The following INSR variants were observed in gnomAD, a reference collection of about 807,000 sequenced individuals.
INSR encodes insulin receptor, also known as IR.
INSR carries 67 observed loss-of-function variants against 142.6 expected under a neutral mutation model. That is an observed-to-expected ratio of 0.47 (90% CI 0.39 to 0.58). The LOEUF (loss-of-function observed/expected upper bound fraction) is 0.58, where lower values mean the gene tolerates loss of function less well. INSR is among the 20% of genes least tolerant of loss of function. INSR has a pLI of 0.00. For missense variants in INSR, 1,248 were observed against 1,833.2 expected (o/e 0.68, Z 5.83); for synonymous variants, 756 against 743.1 (o/e 1.02, Z -0.28).
chr19:7,238,846 G>A (rs1248374122), intron 2 of INSR, among the ~76,000 whole-genome samples: 3 of 149,838 alleles, frequency 2.0e-5, no homozygotes, highest in Admixed American at 6.8e-5. Context: ...TCCACTATGT[G>A]TCCCCAAAAC....
rs985816806 is a variant in INSR at position 7,265,604 on chromosome 19, G to A, written c.652+1741C>T. Among the ~76,000 whole-genome samples the A allele has an allele frequency of 2.0e-5, 3 of 151,932 alleles. No individual in the cohort carries two copies. In the East Asian group the frequency reaches 5.8e-4, roughly 29 times the overall value. ...ACAAAAATTAGCTGGGCTTGGTGGT[G>A]GGTGCCTGTAATCCCAGCTACTTGG... On this transcript the variant is annotated intron_variant, in intron 2 of 21. Transcript: ENST00000302850.
Position 7,267,900 on chromosome 19 carries a change from C to T in INSR, c.101-4G>A. 2 of 1,612,522 alleles carry T rather than the reference C, an allele frequency of 1.2e-6. No individual in the cohort carries two copies. Among genetic ancestry groups the T allele is most frequent in the Non-Finnish European group, 1.7e-6 (2 of 1,179,282 alleles). ...CGGATATCCATGCCGGGACACACTA[C>T]AAGAGAAAATGAACAGAAAGCAAGA... On this transcript the variant is annotated splice_polypyrimidine_tract_variant and splice_region_variant and intron_variant, in intron 1 of 21. Coordinates refer to ENST00000302850, the MANE Select transcript of INSR (RefSeq NM_000208.4). The surrounding 1 kb of genome is among the most constrained non-coding windows in gnomAD (Gnocchi z 6.3).
At chr19:7,172,561 T>C (rs940801264) in intron 4 of INSR, 127 bp from the exon 5 acceptor site, 1 of 1,005,882 alleles carries the variant, frequency 9.9e-7, no homozygotes, top group African/African-American at 1.6e-5. Context: ...AAACTCATCA[T>C]GCTTAGAACA....
intron 3 of INSR, among the ~76,000 whole-genome samples, 176 bp downstream of exon 3, chr19:7,184,140 C>T (rs1485934344): frequency 6.6e-6 from 1 of 151,042 alleles, no homozygotes; most frequent in Non-Finnish European, 1.5e-5. Flanking sequence ...GTAGTCAACT[C>T]CCACTCCCAA....
chr19:7,256,184 T>C (rs1356988805), intron 2 of INSR, among the ~76,000 whole-genome samples: 1 of 152,154 alleles, frequency 6.6e-6, no homozygotes, highest in Non-Finnish European at 1.5e-5. Flanking sequence ...ACGCCTGTAA[T>C]CCCAGCGCTT....
At chr19:7,172,251 G>C (rs745644203) in intron 5 of INSR, 39 bp downstream of exon 5, 1 of 1,611,386 alleles carries the variant, frequency 6.2e-7, no homozygotes, top group Admixed American at 1.7e-5. Flanking sequence ...GAACTTCCTA[G>C]TTAGCACTCA....
At chr19:7,288,938 G>A (rs942832176) in intron 1 of INSR, among the ~76,000 whole-genome samples, 11 of 142,200 alleles carry the variant, frequency 7.7e-5, no homozygotes, top group African/African-American at 1.1e-4. Flanking sequence ...ACACCAGCCC[G>A]GGTGAAGAAG....
intron 3 of INSR, among the ~76,000 whole-genome samples, chr19:7,183,363 G>A (rs1223416866): frequency 1.3e-5 from 2 of 151,394 alleles, no homozygotes; most frequent in Non-Finnish European, 2.9e-5. Flanking sequence ...ACTCAGTTAC[G>A]GCCCCAAAAT....
At chr19:7,195,931 C>CTTTTTTTTT (rs903162924) in intron 2 of INSR, among the ~76,000 whole-genome samples, 18 of 54,772 alleles carry the variant, frequency 3.3e-4, no homozygotes, top group Middle Eastern at 9.8e-3. Flanking sequence ...TCTTTTCTTT[C>CTTTTTTTTT]TTTTTTTTTT....
At chr19:7,158,079 T>C (rs906425828) in intron 9 of INSR, among the ~76,000 whole-genome samples, 1 of 147,380 alleles carries the variant, frequency 6.8e-6, no homozygotes, top group African/African-American at 2.6e-5. Flanking sequence ...TTATTATTAT[T>C]ATTATTATTA....
At chr19:7,293,316 C>T (rs1968547227) in intron 1 of INSR, among the ~76,000 whole-genome samples, 1 of 152,222 alleles carries the variant, frequency 6.6e-6, no homozygotes, top group African/African-American at 2.4e-5. Flanking sequence ...TCTGCAGTCC[C>T]TGACCCCAGG....
At chr19:7,238,731 A>G (rs1976241743) in intron 2 of INSR, among the ~76,000 whole-genome samples, 1 of 151,764 alleles carries the variant, frequency 6.6e-6, no homozygotes, top group Non-Finnish European at 1.5e-5. Flanking sequence ...AGGCCGGAGA[A>G]CTTTTGTACT....
intron 6 of INSR, among the ~76,000 whole-genome samples, chr19:7,170,151 T>C (rs1005192689): frequency 6.6e-6 from 1 of 152,136 alleles, no homozygotes; most frequent in African/African-American, 2.4e-5. Flanking sequence ...CCACCTGAGT[T>C]CTGCCTCCTG....
chr19:7,269,991 C>G (rs1409209921), intron 1 of INSR, among the ~76,000 whole-genome samples: 1 of 152,026 alleles, frequency 6.6e-6, no homozygotes, highest in African/African-American at 2.4e-5. Flanking sequence ...GATGTGGAGT[C>G]TCGTTCTGTT....
At chr19:7,213,649 T>A (rs1975347972) in intron 2 of INSR, among the ~76,000 whole-genome samples, 1 of 152,134 alleles carries the variant, frequency 6.6e-6, no homozygotes, top group South Asian at 2.1e-4. Context: ...ACAACTCACG[T>A]CCAGCAGAGA....
At chr19:7,162,982 GACAC>G in intron 9 of INSR, 46 bp downstream of exon 9, 1 of 1,599,668 alleles carries the variant, frequency 6.3e-7, no homozygotes, top group South Asian at 1.1e-5. Flanking sequence ...AAGTGCATCA[GACAC>G]ACGTGTGCAA....
intron 2 of INSR, among the ~76,000 whole-genome samples, chr19:7,259,081 T>C (rs142519677): frequency 3.3e-5 from 2 of 59,982 alleles, no homozygotes; most frequent in Non-Finnish European, 7.3e-5. Flanking sequence ...CCCTCCTTCT[T>C]TCCTTCCCGC....
intron 2 of INSR, among the ~76,000 whole-genome samples, chr19:7,236,679 C>T (rs996911283): frequency 1.3e-5 from 2 of 152,266 alleles, no homozygotes; most frequent in African/African-American, 4.8e-5. Flanking sequence ...GAAAACCAAA[C>T]ATCTATGTTT....
intron 20 of INSR, among the ~76,000 whole-genome samples, chr19:7,120,242 G>A (rs183208507): frequency 3.7e-4 from 56 of 152,294 alleles, no homozygotes; most frequent in African/African-American, 1.1e-3. Flanking sequence ...TTTCCAGACC[G>A]AACCAATGTT....
Sources: allele counts gnomAD v4.1 joint callset (sites outside exome capture counted in the v4.1 genomes callset), GRCh38; gene constraint gnomAD v4.1.1; non-coding constraint Gnocchi (gnomAD v3.1); transcripts MANE v1.5; gene names NCBI Gene and HGNC (gene_info 2026-07-23, HGNC 2026-07-21).